Variants in PRCP observed in about 807,000 individuals in gnomAD.
The protein encoded by PRCP is lysosomal Pro-X carboxypeptidase.
In PRCP, 46 loss-of-function variants were observed where a neutral mutation model predicts 54.2. That is an observed-to-expected ratio of 0.85 (90% CI 0.67 to 1.09). PRCP has a LOEUF of 1.09. Among genes scored for constraint, PRCP ranks in the 50% least tolerant of loss-of-function variants. The pLI, the probability that PRCP is intolerant of heterozygous loss-of-function variation, is 0.00. For synonymous variants in PRCP, 240 were observed against 212.2 expected (o/e 1.13, Z -1.14); for missense variants, 613 against 596.8 (o/e 1.03, Z -0.28).
chr11:82,889,597 G>C (rs368187873), intron 1 of PRCP, among the ~76,000 whole-genome samples: 7 of 152,104 alleles, frequency 4.6e-5, no homozygotes, highest in African/African-American at 1.7e-4. Flanking sequence ...ACAGCTCCTG[G>C]AGGAGGCAGT....
rs1482129848 is a variant in PRCP at position 82,860,111 on chromosome 11, G to A, written c.175C>T (p.His59Tyr). ...GTTTTCACAGTATTAAATCCAAAAT[G>A]ATCAACCTGTGATAAAAACAAAACA... is the stretch of plus-strand genomic sequence containing the variant. ...SVLYFQQKVD[H>Y]FGFNTVKTFN... Residue 59 changes from histidine to tyrosine, a missense_variant, in exon 2 of 9, where the codon CAT becomes TAT. His to Tyr is a moderately conservative substitution (Grantham distance 83, BLOSUM62 2). Transcript: ENST00000313010. 1.0e-5 allele frequency: 15 copies of A among 1,506,512 alleles called. No individual in the cohort carries two copies. The highest frequency in any genetic ancestry group is 1.4e-5 in the African/African-American group (1 of 70,794). The allele number at this position is 1,506,512 out of a possible 1,614,324, so 93.3% of individuals were successfully genotyped here.
chr11:82,838,149 A>T (rs796603068), intron 8 of PRCP, among the ~76,000 whole-genome samples: 3 of 152,292 alleles, frequency 2.0e-5, no homozygotes, highest in African/African-American at 7.2e-5. Flanking sequence ...AGTTTTTTTA[A>T]TATTTAAAAA....
chr11:82,873,084 A>T (rs1859518402), intron 1 of PRCP, among the ~76,000 whole-genome samples: 1 of 148,992 alleles, frequency 6.7e-6, no homozygotes, highest in Non-Finnish European at 1.5e-5. Flanking sequence ...TTTTTTAAAA[A>T]AAAAGAAAGT....
rs75986352 is a variant in PRCP at position 82,895,664 on chromosome 11, C to A, written c.168+4571G>T. On this transcript the variant is annotated intron_variant, in intron 1 of 8. Coordinates refer to ENST00000313010, the MANE Select transcript of PRCP (RefSeq NM_005040.4). ...AATATTTCTGACAGGACACTCCAGG[C>A]CTAAGGGAAAGTCCATCAATAGATG... is the stretch of plus-strand genomic sequence containing the variant. Among the ~76,000 whole-genome samples, 102 of 152,060 alleles carry A rather than the reference C, an allele frequency of 6.7e-4. 1 individual carries two copies. In the East Asian group the frequency reaches 7.9e-3, roughly 12 times the overall value.
At chr11:82,890,043 A>G (rs1360507532) in intron 1 of PRCP, among the ~76,000 whole-genome samples, 1 of 151,564 alleles carries the variant, frequency 6.6e-6, no homozygotes, top group Non-Finnish European at 1.5e-5. Context: ...GGCCTCTCTC[A>G]CCTTTTTGTT....
intron 1 of PRCP, among the ~76,000 whole-genome samples, chr11:82,868,399 T>C (rs1859392862): frequency 6.6e-6 from 1 of 152,186 alleles, no homozygotes; most frequent in Non-Finnish European, 1.5e-5. Flanking sequence ...AAAACTAAGA[T>C]ACAATTCCAT....
At chr11:82,839,582 C>T (rs1043763655) in intron 6 of PRCP, 157 bp from the exon 7 acceptor site, 2 of 772,514 alleles carry the variant, frequency 2.6e-6, no homozygotes, top group East Asian at 2.7e-5. Context: ...TTAATCCCCT[C>T]CATAAATGAA....
At chr11:82,865,917 G>A (rs970681568) in intron 1 of PRCP, among the ~76,000 whole-genome samples, 1 of 152,114 alleles carries the variant, frequency 6.6e-6, no homozygotes, top group Non-Finnish European at 1.5e-5. Flanking sequence ...GAAGGAAGGT[G>A]GAGTTTAGAC....
intron 1 of PRCP, among the ~76,000 whole-genome samples, chr11:82,886,030 CAT>C (rs1395530098): frequency 2.6e-5 from 4 of 152,104 alleles, no homozygotes; most frequent in African/African-American, 9.7e-5. Context: ...CAAAATAACT[CAT>C]AGAGTTATTT....
At chr11:82,835,738 G>T in intron 8 of PRCP, 1 of 340,552 alleles carries the variant, frequency 2.9e-6, no homozygotes. Context: ...AGAAAAAGGA[G>T]AAAAAAAAGA....
At chr11:82,884,037 G>A (rs891276316) in intron 1 of PRCP, among the ~76,000 whole-genome samples, 2 of 152,168 alleles carry the variant, frequency 1.3e-5, no homozygotes, top group South Asian at 2.1e-4. Context: ...TCAGGAAGAG[G>A]CAGAGATTTC....
At chr11:82,890,063 C>CA (rs541599933) in intron 1 of PRCP, among the ~76,000 whole-genome samples, 1 of 152,016 alleles carries the variant, frequency 6.6e-6, no homozygotes, top group East Asian at 1.9e-4. Context: ...TCTCACTTGG[C>CA]AAAAGTGCAA....
intron 1 of PRCP, among the ~76,000 whole-genome samples, chr11:82,882,128 G>A (rs1859760430): frequency 6.6e-6 from 1 of 152,066 alleles, no homozygotes; most frequent in Non-Finnish European, 1.5e-5. Flanking sequence ...TGAACAGGAG[G>A]AGGAGAAAGA....
chr11:82,852,821 T>C (rs1420048065), intron 3 of PRCP, among the ~76,000 whole-genome samples: 1 of 152,206 alleles, frequency 6.6e-6, no homozygotes, highest in East Asian at 1.9e-4. Context: ...GCTCATTATA[T>C]TTTTTCCAGT....
chr11:82,880,302 C>A (rs1359637850), intron 1 of PRCP, among the ~76,000 whole-genome samples: 1 of 152,238 alleles, frequency 6.6e-6, no homozygotes, highest in Non-Finnish European at 1.5e-5. Flanking sequence ...GCTGTGCTAG[C>A]AGTGAGCGAG....
At chr11:82,856,824 G>A (rs1221751276) in intron 2 of PRCP, among the ~76,000 whole-genome samples, 6 of 152,074 alleles carry the variant, frequency 3.9e-5, no homozygotes, top group Admixed American at 6.6e-5. Context: ...CGAGGCGGGC[G>A]GATCACGAGG....
At chr11:82,875,986 G>A (rs568245671) in intron 1 of PRCP, among the ~76,000 whole-genome samples, 1 of 151,840 alleles carries the variant, frequency 6.6e-6, no homozygotes, top group Non-Finnish European at 1.5e-5. Context: ...TTCCTCTCTC[G>A]CATCATTACA....
chr11:82,830,758 TAAAC>T (rs1858361289), intron 8 of PRCP: 1 of 151,204 alleles, frequency 6.6e-6, no homozygotes, highest in Non-Finnish European at 1.5e-5. Context: ...ACTTTTAAAG[TAAAC>T]TACATAAGGA....
At chr11:82,833,832 A>C (rs1174790676) in intron 8 of PRCP, among the ~76,000 whole-genome samples, 2 of 152,186 alleles carry the variant, frequency 1.3e-5, no homozygotes, top group African/African-American at 4.8e-5. Context: ...AAGACAGCTC[A>C]TTCTACCTTT....
Sources: gnomAD v4.1 joint callset for allele counts (sites outside exome capture counted in the v4.1 genomes callset) on GRCh38, gnomAD v4.1.1 for gene constraint, MANE v1.5 for transcripts, NCBI Gene and HGNC (gene_info 2026-07-23, HGNC 2026-07-21) for gene names.